CFAP91: variants seen among roughly 807,000 people sequenced by gnomAD.
The protein encoded by CFAP91 is cilia and flagella associated protein 91, also known as cilia- and flagella-associated protein 91.
A neutral mutation model predicts 95.9 loss-of-function variants in CFAP91; 85 were observed. That is an observed-to-expected ratio of 0.89 (90% confidence interval 0.74 to 1.06). The LOEUF is 1.06. CFAP91 is among the 50% of genes least tolerant of loss of function. The pLI is 0.00. For missense variants in CFAP91, 962 were observed against 943.4 expected (o/e 1.02, Z -0.26); for synonymous variants, 335 against 327.5 (o/e 1.02, Z -0.25).
chr3:119,718,103 C>A (rs1033008146), intron 6 of CFAP91, among the ~76,000 whole-genome samples: 2 of 152,064 alleles, frequency 1.3e-5, no homozygotes, highest in African/African-American at 2.4e-5. Flanking sequence ...CCAAAGCACA[C>A]AAGGAACAGA....
chr3:119,704,111 G>A (rs2053313041), intron 1 of CFAP91, among the ~76,000 whole-genome samples: 1 of 152,078 alleles, frequency 6.6e-6, no homozygotes. Context: ...TCTGGCCAGT[G>A]TTTTTCTGTA....
At chr3:119,747,678 A>G (rs1312255654) in intron 15 of CFAP91, 133 bp from the exon 16 acceptor site, 2 of 753,184 alleles carry the variant, frequency 2.7e-6, no homozygotes, top group Non-Finnish European at 4.1e-6. Context: ...GGAATGTGAT[A>G]TTTCAGATCA....
chr3:119,726,633 T>A (rs1280854467), intron 7 of CFAP91, among the ~76,000 whole-genome samples: 3 of 152,178 alleles, frequency 2.0e-5, no homozygotes, highest in Non-Finnish European at 2.9e-5. Flanking sequence ...CTGAAGGGCA[T>A]CTCTGATTCT....
At chr3:119,721,172 A>G (rs1344054362) in intron 6 of CFAP91, among the ~76,000 whole-genome samples, 4 of 152,242 alleles carry the variant, frequency 2.6e-5, no homozygotes, top group African/African-American at 9.6e-5. Context: ...TAATCAGAGA[A>G]GTTCAAGTTT....
At position 119,740,589 on chromosome 3, in the gene CFAP91, A is replaced by T. The variant is rs762833867; in HGVS notation, c.1574A>T (p.Glu525Val). ...GKEKRLELIQ[E>V]LRTCHALQED... ...GAAAAGCGACTGGAGTTGATCCAGG[A>T]GTTGCGCACCTGCCACGCACTACAA... Residue 525 changes from glutamate to valine, a missense_variant, in exon 13 of 18, where the codon GAG (glutamate) becomes GTG (valine). Coordinates refer to ENST00000273390, the MANE Select transcript of CFAP91 (RefSeq NM_033364.4). 1.9e-6 allele frequency: 3 copies of T among 1,614,076 alleles called. No homozygotes were observed. The African/African-American group carries it at 4.0e-5, about 22-fold the overall frequency.
chr3:119,709,857 T>C lies in CFAP91; in HGVS notation c.462T>C (p.Phe154=), dbSNP rs768020568. 1 of 1,613,054 alleles carries C rather than the reference T, an allele frequency of 6.2e-7. No individual in the cohort carries two copies. The highest frequency in any genetic ancestry group is 1.7e-5 in the Admixed American group (1 of 60,006). The part of the protein sequence containing the change: ...KYFERPFLPF[F]QQMPFNVVYA... Reference sequence around the variant, plus strand: ...CTCCCAGGCCTTTTCTCCCATTTTTTCAGCAGATGCCATTCAATGTTGTTT... The same window carrying C: ...CTCCCAGGCCTTTTCTCCCATTTTTCCAGCAGATGCCATTCAATGTTGTTT... Residue 154 remains phenylalanine (F), a synonymous_variant, in exon 5 of 18, where the codon TTT becomes TTC. Transcript: ENST00000273390.
At chr3:119,761,597 A>C (rs757259949) in intron 17 of CFAP91, among the ~76,000 whole-genome samples, 1 of 151,840 alleles carries the variant, frequency 6.6e-6, no homozygotes, top group Non-Finnish European at 1.5e-5. Flanking sequence ...TTCTCAAAAA[A>C]AGTAACAAAC....
intron 5 of CFAP91, chr3:119,710,480 G>A (rs543732852): frequency 2.0e-5 from 3 of 152,320 alleles, no homozygotes; most frequent in South Asian, 2.1e-4. Flanking sequence ...TGGAGTCCTC[G>A]TGACTTAATC....
chr3:119,749,521 T>TA (rs973148959), intron 16 of CFAP91, among the ~76,000 whole-genome samples: 175 of 143,534 alleles, frequency 1.2e-3, no homozygotes, highest in Middle Eastern at 3.5e-3. Flanking sequence ...AGACCCTGTC[T>TA]AAAAAAAAAA....
At chr3:119,720,116 C>T (rs1357285235) in intron 6 of CFAP91, among the ~76,000 whole-genome samples, 11 of 143,024 alleles carry the variant, frequency 7.7e-5, no homozygotes, top group South Asian at 2.2e-4. Flanking sequence ...GGGCCGGACG[C>T]GGTGGCTCAC....
intron 17 of CFAP91, chr3:119,752,467 T>C (rs1178078283): frequency 3.3e-5 from 5 of 152,224 alleles, no homozygotes; most frequent in Non-Finnish European, 7.3e-5. Context: ...TTGACTTTAA[T>C]AGTAAAATAA....
At chr3:119,733,220 G>C (rs1268496825) in intron 9 of CFAP91, 144 bp from the exon 10 acceptor site, 3 of 710,942 alleles carry the variant, frequency 4.2e-6, no homozygotes, top group Non-Finnish European at 6.7e-6. Flanking sequence ...ACATTTCAGG[G>C]ACACTTCATT....
chr3:119,751,371 C>T (rs1042690988), intron 17 of CFAP91, among the ~76,000 whole-genome samples: 3 of 152,130 alleles, frequency 2.0e-5, no homozygotes, highest in African/African-American at 4.8e-5. Context: ...GTGTGTACCT[C>T]GTCAAATGAA....
chr3:119,705,147 C>T (rs1412389747), intron 1 of CFAP91, among the ~76,000 whole-genome samples: 2 of 152,222 alleles, frequency 1.3e-5, no homozygotes, highest in Non-Finnish European at 2.9e-5. Context: ...ATGATAGGGA[C>T]TAGGGTGGCG....
intron 17 of CFAP91, among the ~76,000 whole-genome samples, chr3:119,760,967 T>TAA (rs1413214748): frequency 3.3e-5 from 5 of 150,586 alleles, no homozygotes; most frequent in Non-Finnish European, 7.4e-5. Context: ...CTCAAAGAAC[T>TAA]AAAAAAAGAA....
At chr3:119,737,338 G>A (rs2054029562) in intron 10 of CFAP91, 28 bp from the exon 11 acceptor site, 1 of 1,367,072 alleles carries the variant, frequency 7.3e-7, no homozygotes, top group Non-Finnish European at 1.0e-6. Flanking sequence ...GTTAAAAAAA[G>A]AGATTATATT....
rs780730088 is a variant in CFAP91, at chr3:119,726,149, G to A, written c.683-22G>A. On this transcript the variant is annotated intron_variant, in intron 6 of 17. Transcript: ENST00000273390. ...CATGGGTCAGCTCACTTGTTCCTAA[G>A]CTGTGCTGCTTTATCCTGCAGGTCG... 1.9e-6 allele frequency: 3 copies of A among 1,588,002 alleles called. No homozygotes were observed. The South Asian group carries it at 3.5e-5, about 18-fold the overall frequency.
intron 1 of CFAP91, among the ~76,000 whole-genome samples, chr3:119,703,651 T>TTTG (rs531257802): frequency 3.3e-5 from 5 of 152,276 alleles, no homozygotes; most frequent in South Asian, 2.1e-4. Context: ...TTTTAGGTTT[T>TTTG]TTGTTGTTGT....
In CFAP91 at chr3:119,753,392, T is replaced by A. The variant is rs2054362414; in HGVS notation, c.*1+2294T>A. ...GCATATGATATAGTTTAGCTTCTAA[T>A]CATCTGAGTGATTTTAAAAATCTCA... is the stretch of plus-strand genomic sequence containing the variant. On this transcript the variant is annotated intron_variant, in intron 17 of 17. Coordinates refer to ENST00000273390, the MANE Select transcript of CFAP91 (RefSeq NM_033364.4). Among the ~76,000 whole-genome samples the A allele has an allele frequency of 2.0e-5, 3 of 152,202 alleles. No individual in the cohort carries two copies. The South Asian group carries it at 6.2e-4, about 31-fold the overall frequency.
Sources: gnomAD v4.1 joint callset for allele counts (sites outside exome capture counted in the v4.1 genomes callset) on GRCh38, gnomAD v4.1.1 for gene constraint, MANE v1.5 for transcripts, NCBI Gene and HGNC (gene_info 2026-07-23, HGNC 2026-07-21) for gene names.